The following FAM3B variants were observed in gnomAD, a reference collection of about 807,000 sequenced individuals.
The protein encoded by FAM3B is FAM3 metabolism regulating signaling molecule B.
FAM3B carries 29 observed loss-of-function variants against 28.4 expected under a neutral mutation model. The ratio of observed to expected loss-of-function variants is 1.02; its 90% CI spans 0.76 to 1.39. The LOEUF is 1.39. FAM3B is among the 40% of genes most tolerant of loss of function. The probability of loss-of-function intolerance (pLI) is 0.00; values close to 1 mark genes in which losing one functional copy is unlikely to be tolerated. For synonymous variants in FAM3B, 91 were observed against 103.0 expected, an observed-to-expected ratio of 0.88 and a Z score of 0.71; for missense variants, 266 against 293.9, an observed-to-expected ratio of 0.91 and a Z score of 0.69.
chr21:41,308,116 A>T (rs191711319), intron 1 of FAM3B, among the ~76,000 whole-genome samples: 22 of 152,364 alleles, frequency 1.4e-4, no homozygotes, highest in Non-Finnish European at 2.5e-4. Context: ...ATCAACACTG[A>T]AATTCAGCCA....
At chr21:41,328,472 G>T (rs1170627084) in intron 2 of FAM3B, among the ~76,000 whole-genome samples, 1 of 151,934 alleles carries the variant, frequency 6.6e-6, no homozygotes, top group Non-Finnish European at 1.5e-5. Flanking sequence ...TTGGACGTTT[G>T]CTTTAAATTT....
intron 1 of FAM3B, among the ~76,000 whole-genome samples, chr21:41,317,853 G>A (rs764861634): frequency 1.3e-5 from 2 of 152,030 alleles, no homozygotes; most frequent in African/African-American, 2.4e-5. Flanking sequence ...TAGGAAAGCC[G>A]CATTTTAAGA....
exon 1 of FAM3B, chr21:41,304,251 T>C (rs1174232382): frequency 2.2e-5 from 10 of 455,838 alleles, no homozygotes; most frequent in Non-Finnish European, 4.4e-5. Flanking sequence ...TCGGCGGGCA[T>C]GGCTGGGGCA....
intron 1 of FAM3B, among the ~76,000 whole-genome samples, chr21:41,317,549 C>T (rs759483297): frequency 2.0e-5 from 3 of 152,162 alleles, no homozygotes; most frequent in African/African-American, 7.2e-5. Flanking sequence ...GTGTCCACTG[C>T]CCTGGCCTCT....
intron 1 of FAM3B, chr21:41,322,661 GGTTAA>G (rs565238011): frequency 3.5e-5 from 25 of 717,950 alleles, no homozygotes; most frequent in South Asian, 2.2e-4. Flanking sequence ...GACGTTTGTT[GGTTAA>G]GTTAAGACCT....
upstream of FAM3B, among the ~76,000 whole-genome samples, chr21:41,315,074 T>C (rs2088738532): frequency 6.6e-6 from 1 of 152,146 alleles, no homozygotes. Flanking sequence ...CAAAATGTGG[T>C]ACATATGTCC....
At chr21:41,344,063 T>C (rs1354467891) in intron 3 of FAM3B, among the ~76,000 whole-genome samples, 3 of 152,208 alleles carry the variant, frequency 2.0e-5, no homozygotes, top group Non-Finnish European at 4.4e-5. Context: ...GAGGTTGCAG[T>C]GAGCCACGAT....
intron 5 of FAM3B, chr21:41,346,006 G>C: frequency 5.1e-6 from 1 of 196,562 alleles, no homozygotes; most frequent in Non-Finnish European, 9.7e-6. Context: ...ATAAGAAAGA[G>C]AAAAAGCCTT....
chr21:41,343,726 A>G (rs1309004523), intron 3 of FAM3B, among the ~76,000 whole-genome samples: 1 of 152,244 alleles, frequency 6.6e-6, no homozygotes, highest in Non-Finnish European at 1.5e-5. Flanking sequence ...ATCTTCAGCA[A>G]TAATTACCAT....
intron 1 of FAM3B, among the ~76,000 whole-genome samples, chr21:41,322,185 G>C (rs1422752860): frequency 6.6e-6 from 1 of 151,076 alleles, no homozygotes; most frequent in African/African-American, 2.4e-5. Flanking sequence ...AAAAGACAGA[G>C]AGCCACCCCC....
chr21:41,332,577 G>A (rs1459885790), intron 2 of FAM3B, among the ~76,000 whole-genome samples: 2 of 152,132 alleles, frequency 1.3e-5, no homozygotes, highest in Non-Finnish European at 2.9e-5. Flanking sequence ...CAATTTTTTG[G>A]AAGAGTTTGA....
rs1366602596 is a variant in FAM3B at position 41,326,699 on chromosome 21, G to A, written c.163+3633G>A. Among the ~76,000 whole-genome samples, 3 of 152,220 alleles carry A rather than the reference G, an allele frequency of 2.0e-5. No individual in the cohort carries two copies. The highest frequency in any genetic ancestry group is 1.9e-4 in the East Asian group (1 of 5,194). ...CCTATGGGACCCCCACAATGGCCCC[G>A]CTGGAGACGCCAGCACCAGCCCTTT... On this transcript the variant is annotated intron_variant, in intron 2 of 7. Transcript: ENST00000357985. The surrounding 1 kb of genome is among the most constrained non-coding windows in gnomAD (Gnocchi z 4.0).
chr21:41,346,598 G>A (rs2089062908), intron 5 of FAM3B, among the ~76,000 whole-genome samples: 1 of 152,054 alleles, frequency 6.6e-6, no homozygotes, highest in South Asian at 2.1e-4. Context: ...CCCTTTATCA[G>A]TGACTACAGA....
chr21:41,344,609 C>A (rs188638494), intron 4 of FAM3B, 75 bp downstream of exon 4: 23 of 1,277,048 alleles, frequency 1.8e-5, no homozygotes, highest in Non-Finnish European at 2.5e-5. Flanking sequence ...CTTGGGTTTT[C>A]GAGACTTTTG....
At chr21:41,317,722 A>G (rs1006008897) in intron 1 of FAM3B, among the ~76,000 whole-genome samples, 2 of 152,126 alleles carry the variant, frequency 1.3e-5, no homozygotes, top group African/African-American at 2.4e-5. Flanking sequence ...CCTGGATCCC[A>G]GGTCCTCTGT....
At chr21:41,315,754 T>C (rs2088744061), upstream of FAM3B, among the ~76,000 whole-genome samples, 2 of 152,128 alleles carry the variant, frequency 1.3e-5, no homozygotes, top group East Asian at 1.9e-4. Context: ...TAAAGCCACA[T>C]TGTCCACAGG....
rs970237251 is a variant in FAM3B at position 41,322,974 on chromosome 21, C to T, written c.71C>T (p.Ser24Leu). The change falls in exon 2 of 8, where the codon TCG becomes TTG. Residue 24 changes from serine to leucine, a missense_variant. Physicochemically the swap from Ser to Leu is moderately radical, Grantham distance 145 (BLOSUM62 -2). Transcript: ENST00000357985. ...TTCGCCTCCTTGTGTGCCTGGTATTCGGGGTACCTGCTCGCAGAGCTCATT... is the reference window on the plus strand; with the variant it reads ...TTCGCCTCCTTGTGTGCCTGGTATTTGGGGTACCTGCTCGCAGAGCTCATT... ...VVFASLCAWY[S>L]GYLLAELIPD... 6.8e-6 allele frequency: 11 copies of T among 1,612,916 alleles called. No individual in the cohort carries two copies. Among genetic ancestry groups the T allele is most frequent in the Middle Eastern group, 1.6e-4 (1 of 6,062 alleles).
At chr21:41,338,338 GT>G in intron 2 of FAM3B, 39 bp from the exon 3 acceptor site, 1 of 1,610,282 alleles carries the variant, frequency 6.2e-7, no homozygotes, top group South Asian at 1.1e-5. Flanking sequence ...GTAAATTACT[GT>G]GGGATGTTAA....
At chr21:41,338,268 C>A in intron 2 of FAM3B, 110 bp from the exon 3 acceptor site, 1 of 1,336,628 alleles carries the variant, frequency 7.5e-7, no homozygotes, top group South Asian at 1.4e-5. Flanking sequence ...GTTTTCCGAC[C>A]GCTGCTTGGA....
Sources: allele counts gnomAD v4.1 joint callset (sites outside exome capture counted in the v4.1 genomes callset), GRCh38; gene constraint gnomAD v4.1.1; non-coding constraint Gnocchi (gnomAD v3.1); transcripts MANE v1.5; gene names NCBI Gene and HGNC (gene_info 2026-07-23, HGNC 2026-07-21).